Variants in BLOC1S6 observed in about 807,000 individuals in gnomAD.
BLOC1S6 encodes the protein biogenesis of lysosome-related organelles complex 1 subunit 6.
In BLOC1S6, 24 loss-of-function variants were observed where a neutral mutation model predicts 24.7. That is an observed-to-expected ratio of 0.97 (90% CI 0.70 to 1.37). BLOC1S6 has a LOEUF of 1.37. Ranked by LOEUF, BLOC1S6 falls within the 40% of genes most tolerant of loss-of-function variation. The pLI, the probability that BLOC1S6 is intolerant of heterozygous loss-of-function variation, is 0.00. For synonymous variants in BLOC1S6, 76 were observed against 72.6 expected, an observed-to-expected ratio of 1.05 and a Z score of -0.23; for missense variants, 175 against 196.2, an observed-to-expected ratio of 0.89 and a Z score of 0.64.
chr15:45,608,427 C>G lies in BLOC1S6; in HGVS notation c.*1913C>G, dbSNP rs1031765737. ...GTACTCATTATAATATGATATCTGA[C>G]AAAGGTAGTACAGCGTTTCTGAGTC... is the stretch of plus-strand genomic sequence containing the variant. On this transcript the variant is annotated 3_prime_UTR_variant, in exon 5 of 5. Transcript: ENST00000220531. 4.6e-5 allele frequency: 7 copies of G among 152,234 alleles called. No individual in the cohort carries two copies. Among genetic ancestry groups the G allele is most frequent in the Non-Finnish European group, 4.4e-5 (3 of 68,050 alleles). The allele number at this position is 152,234 out of a possible 1,614,324, so 9.4% of individuals were successfully genotyped here. A position where few individuals can be genotyped will look rare whatever the true frequency, so the allele number is the denominator to read the frequency against.
At position 45,607,434 on chromosome 15, in the gene BLOC1S6, G is replaced by T; in HGVS notation, c.*920G>T. 1 of 152,286 alleles carries T rather than the reference G, an allele frequency of 6.6e-6. No homozygotes were observed. Among genetic ancestry groups the T allele is most frequent in the East Asian group, 1.9e-4 (1 of 5,190 alleles). The allele number at this position is 152,286 out of a possible 1,614,324, so 9.4% of individuals were successfully genotyped here. ...ATTTATAATACAATATAGTATTATA[G>T]TAACAGTTATCATACACTGAGATAT... On this transcript the variant is annotated 3_prime_UTR_variant, in exon 5 of 5. Transcript: ENST00000220531.
intron 2 of BLOC1S6, among the ~76,000 whole-genome samples, chr15:45,601,861 G>A (rs983688781): frequency 6.7e-6 from 1 of 150,340 alleles, no homozygotes; most frequent in Non-Finnish European, 1.5e-5. Context: ...AAGCTGGAGG[G>A]ACAAAGTTAT....
At position 45,587,492 on chromosome 15, in the gene BLOC1S6, C is replaced by A. The variant is rs1893716859; in HGVS notation, c.49C>A (p.Pro17Thr). 2 of 1,585,744 alleles carry A rather than the reference C, an allele frequency of 1.3e-6. No individual in the cohort carries two copies. Among genetic ancestry groups the A allele is most frequent in the African/African-American group, 1.3e-5 (1 of 74,370 alleles). The change falls in exon 1 of 5, where the codon CCC (proline) becomes ACC (threonine). Residue 17 changes from proline (P) to threonine (T), a missense_variant. Transcript: ENST00000220531. Reference sequence around the variant, plus strand: ...TCCGGACGGGGCCCTGACACGGCCACCCTACTGCCTGGAGGCCGGGGAGCC... The same window carrying A: ...TCCGGACGGGGCCCTGACACGGCCAACCTACTGCCTGGAGGCCGGGGAGCC... ...SSPDGALTRP[P>T]YCLEAGEPTP...
intron 3 of BLOC1S6, among the ~76,000 whole-genome samples, chr15:45,603,767 C>A (rs1894351148): frequency 6.6e-6 from 1 of 151,888 alleles, no homozygotes; most frequent in Admixed American, 6.6e-5. Flanking sequence ...CTTTGGGGTA[C>A]CATTTTTTTT....
At chr15:45,604,944 G>A (rs950568614) in intron 3 of BLOC1S6, among the ~76,000 whole-genome samples, 1 of 152,176 alleles carries the variant, frequency 6.6e-6, no homozygotes, top group African/African-American at 2.4e-5. Flanking sequence ...AGCAGCCCAA[G>A]GAATGGATTA....
chr15:45,594,066 A>G (rs767936059), intron 2 of BLOC1S6, among the ~76,000 whole-genome samples: 138 of 152,168 alleles, frequency 9.1e-4, no homozygotes, highest in Non-Finnish European at 7.5e-4. Context: ...TTCACTATTA[A>G]TAAAGATATA....
At chr15:45,590,017 A>G (rs567945647) in intron 1 of BLOC1S6, among the ~76,000 whole-genome samples, 11 of 152,316 alleles carry the variant, frequency 7.2e-5, no homozygotes, top group Admixed American at 4.6e-4. Context: ...TTCCTATCAT[A>G]AAACATTAAG....
At chr15:45,605,595 CTTT>C in intron 4 of BLOC1S6, 81 bp downstream of exon 4, 4 of 800,854 alleles carry the variant, frequency 5.0e-6, no homozygotes, top group Non-Finnish European at 7.1e-6. Flanking sequence ...TTTCAGTATT[CTTT>C]TTTTTTTTGA....
At chr15:45,587,656 G>T in intron 1 of BLOC1S6, 131 bp downstream of exon 1, 1 of 951,184 alleles carries the variant, frequency 1.1e-6, no homozygotes, top group South Asian at 1.4e-5. Context: ...GCCCTGCCCC[G>T]AGTGCAGAAA....
At chr15:45,587,983 A>T (rs2140900002) in intron 1 of BLOC1S6, 2 of 574,744 alleles carry the variant, frequency 3.5e-6, no homozygotes, top group Non-Finnish European at 3.1e-6. Context: ...TCCAGGAGGG[A>T]TTTAAGCTCT....
At chr15:45,592,798 G>A (rs1893932574) in intron 2 of BLOC1S6, among the ~76,000 whole-genome samples, 1 of 152,142 alleles carries the variant, frequency 6.6e-6, no homozygotes, top group Non-Finnish European at 1.5e-5. Context: ...CATAGAGTGG[G>A]ATCAGTATAC....
chr15:45,597,176 A>T (rs1196189499), intron 2 of BLOC1S6, among the ~76,000 whole-genome samples: 1 of 152,168 alleles, frequency 6.6e-6, no homozygotes, highest in African/African-American at 2.4e-5. Context: ...AATAATTTGC[A>T]TCTTAAAAAA....
At chr15:45,587,579 C>G in intron 1 of BLOC1S6, 54 bp downstream of exon 1, 1 of 1,487,802 alleles carries the variant, frequency 6.7e-7, no homozygotes, top group Non-Finnish European at 9.1e-7. Flanking sequence ...GGGGCGGGGA[C>G]CTGAGTGAGT....
chr15:45,606,550 T>C lies in BLOC1S6; in HGVS notation c.*36T>C, dbSNP rs547751780. 2 of 1,614,028 alleles carry C rather than the reference T, an allele frequency of 1.2e-6. 1 individual carries two copies. The highest frequency in any genetic ancestry group is 3.3e-4 in the Middle Eastern group (2 of 6,060). ...TTGTGTGTTTTCTTCTCCTGTCCCA[T>C]ATTTGGGTTATGATGACTCAAGTGT... On this transcript the variant is annotated 3_prime_UTR_variant, in exon 5 of 5. Transcript: ENST00000220531.
chr15:45,608,348 G>T lies in BLOC1S6; in HGVS notation c.*1834G>T, dbSNP rs1894552180. 6.6e-6 allele frequency: 1 copy of T among 152,190 alleles called. No individual in the cohort carries two copies. The highest frequency in any genetic ancestry group is 1.5e-5 in the Non-Finnish European group (1 of 68,036). 9.4% of individuals were successfully genotyped at this position (152,190 alleles called of 1,614,324 possible). The stretch of plus-strand genomic sequence containing the variant: ...TTGCCCTCAAACACTTGCTAAAACT[G>T]CCTAGGGCAGGATTCATTAGGGCTT... On this transcript the variant is annotated 3_prime_UTR_variant, in exon 5 of 5. Coordinates refer to ENST00000220531, the MANE Select transcript of BLOC1S6 (RefSeq NM_012388.4).
intron 4 of BLOC1S6, 24 bp downstream of exon 4, chr15:45,605,538 T>C: frequency 6.6e-7 from 1 of 1,522,766 alleles, no homozygotes; most frequent in Non-Finnish European, 9.1e-7. Context: ...TCTTTCACAT[T>C]CTTTACAAAA....
At chr15:45,605,716 G>C (rs1894430190) in intron 4 of BLOC1S6, 1 of 476,056 alleles carries the variant, frequency 2.1e-6, no homozygotes, top group African/African-American at 2.0e-5. Context: ...CAGCTCCCCA[G>C]GTAGCTGGGA....
At chr15:45,595,779 A>G (rs1894051045) in intron 2 of BLOC1S6, among the ~76,000 whole-genome samples, 1 of 152,056 alleles carries the variant, frequency 6.6e-6, no homozygotes, top group Non-Finnish European at 1.5e-5. Flanking sequence ...TGCATTTTAC[A>G]TTTAGACCTA....
intron 2 of BLOC1S6, among the ~76,000 whole-genome samples, chr15:45,594,691 C>G (rs184738718): frequency 1.9e-4 from 29 of 152,212 alleles, no homozygotes; most frequent in Admixed American, 1.7e-3. Context: ...TCAAGAGATT[C>G]TCCTGCCTCA....
Sources: allele counts gnomAD v4.1 joint callset (sites outside exome capture counted in the v4.1 genomes callset), GRCh38; gene constraint gnomAD v4.1.1; transcripts MANE v1.5; gene names NCBI Gene and HGNC (gene_info 2026-07-23, HGNC 2026-07-21).